PTH2R: variants seen among roughly 807,000 people sequenced by gnomAD.
The protein encoded by PTH2R is parathyroid hormone 2 receptor, also known as PTH2 receptor.
A neutral mutation model predicts 60.3 loss-of-function variants in PTH2R; 59 were observed. That is an observed-to-expected ratio of 0.98 (90% CI 0.79 to 1.22). The LOEUF (loss-of-function observed/expected upper bound fraction) is 1.22, where lower values mean the gene tolerates loss of function less well. Among genes scored for constraint, PTH2R ranks in the 50% most tolerant of loss-of-function variants. PTH2R has a pLI of 0.00. For synonymous variants in PTH2R, 256 were observed against 243.8 expected (o/e 1.05, Z -0.47); for missense variants, 749 against 682.6 (o/e 1.10, Z -1.08).
intron 9 of PTH2R, chr2:208,469,742 T>A (rs1702838995): frequency 6.6e-6 from 1 of 152,246 alleles, no homozygotes; most frequent in African/African-American, 2.4e-5. Context: ...ATCAGACACC[T>A]GTGTCATCTT....
intron 8 of PTH2R, among the ~76,000 whole-genome samples, chr2:208,452,060 A>G (rs1017043864): frequency 2.0e-5 from 3 of 152,208 alleles, no homozygotes; most frequent in Non-Finnish European, 4.4e-5. Flanking sequence ...ATAATAATGT[A>G]TAGATGACAT....
intron 7 of PTH2R, among the ~76,000 whole-genome samples, chr2:208,445,719 T>C (rs2105874247): frequency 6.6e-6 from 1 of 152,270 alleles, no homozygotes; most frequent in Non-Finnish European, 1.5e-5. Flanking sequence ...AGAATATGCC[T>C]TTGCCTATTT....
intron 1 of PTH2R, among the ~76,000 whole-genome samples, chr2:208,414,692 A>C (rs1701604296): frequency 6.6e-6 from 1 of 152,184 alleles, no homozygotes; most frequent in Non-Finnish European, 1.5e-5. Context: ...TGCTAACCAA[A>C]TTCATTCCAT....
intron 4 of PTH2R, among the ~76,000 whole-genome samples, chr2:208,441,200 ACTTACGTTTC>A (rs1702174005): frequency 6.6e-6 from 1 of 152,144 alleles, no homozygotes; most frequent in South Asian, 2.1e-4. Flanking sequence ...TCAGAGAAAC[ACTTACGTTTC>A]CTATATATTA....
At chr2:208,449,544 G>A (rs1559223834) in intron 7 of PTH2R, among the ~76,000 whole-genome samples, 1 of 151,902 alleles carries the variant, frequency 6.6e-6, no homozygotes, top group Non-Finnish European at 1.5e-5. Context: ...AAAATTCCTA[G>A]AACACAGAAT....
At chr2:208,400,083 T>C (rs1701280391) in intron 1 of PTH2R, among the ~76,000 whole-genome samples, 1 of 151,998 alleles carries the variant, frequency 6.6e-6, no homozygotes, top group Non-Finnish European at 1.5e-5. Context: ...AATTAAACTC[T>C]TCTTAAAACC....
At chr2:208,386,680 G>C (rs1318689205) in intron 1 of PTH2R, among the ~76,000 whole-genome samples, 2 of 152,224 alleles carry the variant, frequency 1.3e-5, no homozygotes, top group African/African-American at 4.8e-5. Flanking sequence ...GGTGAGAGCA[G>C]TCTTCCTCTT....
At chr2:208,402,400 G>A (rs1449371971), upstream of PTH2R, among the ~76,000 whole-genome samples, 1 of 151,946 alleles carries the variant, frequency 6.6e-6, no homozygotes, top group Non-Finnish European at 1.5e-5. Context: ...TCCATTTTTT[G>A]TTGTTTTTAT....
At chr2:208,402,058 G>T (rs1254538512), upstream of PTH2R, among the ~76,000 whole-genome samples, 1 of 152,130 alleles carries the variant, frequency 6.6e-6, no homozygotes, top group African/African-American at 2.4e-5. Context: ...TCTTAGCCAG[G>T]CTTTGAGGGA....
chr2:208,450,397 A>C lies in PTH2R; in HGVS notation c.854-352A>C, dbSNP rs148739009. 6.1e-3 allele frequency among the ~76,000 whole-genome samples: 935 copies of C among 152,304 alleles called. 9 individuals carry two copies. Among genetic ancestry groups the C allele is most frequent in the African/African-American group, 0.021 (874 of 41,558 alleles). On this transcript the variant is annotated intron_variant, in intron 7 of 12. Coordinates refer to ENST00000272847, the MANE Select transcript of PTH2R (RefSeq NM_005048.4). ...CTGTGTTGCTTCACTCCTTGAGAGC[A>C]TATGATGGTCAGCGTGACAAGAGTC...
chr2:208,484,199 C>T (rs1320247935), intron 10 of PTH2R, among the ~76,000 whole-genome samples: 1 of 152,162 alleles, frequency 6.6e-6, no homozygotes, highest in Admixed American at 6.5e-5. Flanking sequence ...CAGAAAACAC[C>T]TTTCGGAGCT....
At chr2:208,397,004 C>T (rs890632452) in intron 1 of PTH2R, among the ~76,000 whole-genome samples, 5 of 152,102 alleles carry the variant, frequency 3.3e-5, no homozygotes, top group African/African-American at 4.8e-5. Context: ...ATGTCCTTTG[C>T]CGGGACATGG....
intron 1 of PTH2R, among the ~76,000 whole-genome samples, chr2:208,376,994 GT>G (rs1700804900): frequency 6.6e-6 from 1 of 151,914 alleles, no homozygotes; most frequent in Non-Finnish European, 1.5e-5. Context: ...AAGGTCTCTG[GT>G]TTTCCTAGGC....
chr2:208,439,099 G>C (rs1383259005), intron 4 of PTH2R, among the ~76,000 whole-genome samples: 5 of 152,028 alleles, frequency 3.3e-5, no homozygotes, highest in Admixed American at 6.5e-5. Context: ...CTTCATTTTT[G>C]CATTACATGA....
intron 8 of PTH2R, among the ~76,000 whole-genome samples, chr2:208,454,343 T>C (rs1321010976): frequency 6.6e-6 from 1 of 152,106 alleles, no homozygotes; most frequent in Non-Finnish European, 1.5e-5. Context: ...TATTTGGAGA[T>C]AGGGTCTATA....
chr2:208,389,790 G>T (rs1195346807), intron 1 of PTH2R, among the ~76,000 whole-genome samples: 3 of 151,354 alleles, frequency 2.0e-5, no homozygotes, highest in Non-Finnish European at 4.4e-5. Flanking sequence ...TTTCTTTTCC[G>T]CTTTTTCTTT....
At chr2:208,475,990 A>G (rs1027594383) in intron 9 of PTH2R, among the ~76,000 whole-genome samples, 6 of 152,192 alleles carry the variant, frequency 3.9e-5, no homozygotes, top group Admixed American at 6.5e-5. Context: ...TTAAATACTG[A>G]GCTAAATTTT....
chr2:208,410,844 G>A (rs1363404704), intron 1 of PTH2R, among the ~76,000 whole-genome samples: 1 of 152,090 alleles, frequency 6.6e-6, no homozygotes, highest in Non-Finnish European at 1.5e-5. Context: ...CATAAAATGG[G>A]ATAAATCAAT....
Position 208,406,906 on chromosome 2 carries a change from G to T in PTH2R, c.-138G>T. ...GACAAGACCCCAAGCACCCTCGGCC[G>T]GTGGCCCGGGCCCGACCACCCCAGC... On this transcript the variant is annotated 5_prime_UTR_variant, in exon 1 of 13. Transcript: ENST00000272847. 1.7e-6 allele frequency: 1 copy of T among 604,778 alleles called. No homozygotes were observed. The highest frequency in any genetic ancestry group is 2.6e-6 in the Non-Finnish European group (1 of 384,418). The allele number at this position is 604,778 out of a possible 1,614,324, so 37.5% of individuals were successfully genotyped here. A position where few individuals can be genotyped will look rare whatever the true frequency, so the allele number is the denominator to read the frequency against.
Sources: allele counts gnomAD v4.1 joint callset (sites outside exome capture counted in the v4.1 genomes callset), GRCh38; gene constraint gnomAD v4.1.1; transcripts MANE v1.5; gene names NCBI Gene and HGNC (gene_info 2026-07-23, HGNC 2026-07-21).